Variants in APPBP2 observed in about 807,000 individuals in gnomAD.
APPBP2 encodes the protein amyloid beta precursor protein binding protein 2, also known as amyloid protein-binding protein 2.
In APPBP2, 15 loss-of-function variants were observed where a neutral mutation model predicts 76.0. The ratio of observed to expected loss-of-function variants is 0.20; its 90% CI spans 0.13 to 0.30. The LOEUF (loss-of-function observed/expected upper bound fraction) is 0.30. APPBP2 is among the 10% of genes least tolerant of loss of function. The pLI is 1.00. For synonymous variants in APPBP2, 222 were observed against 242.2 expected, an observed-to-expected ratio of 0.92 and a Z score of 0.77; for missense variants, 401 against 687.2, an observed-to-expected ratio of 0.58 and a Z score of 4.66.
intron 3 of APPBP2, among the ~76,000 whole-genome samples, chr17:60,493,106 C>T (rs1374323836): frequency 2.0e-5 from 3 of 152,174 alleles, no homozygotes; most frequent in Non-Finnish European, 4.4e-5. Context: ...GGCTCTCATT[C>T]TCGTCTGCCA....
rs530334686 is a variant in APPBP2 at position 60,452,178 on chromosome 17, C to G, written c.1339-133G>C. The stretch of plus-strand genomic sequence containing the variant: ...TAAGGTAATCAGATCAAAGAACATA[C>G]TATGTTATTCCAAAAATTGCCTATG... On this transcript the variant is annotated intron_variant, in intron 11 of 12. Coordinates refer to ENST00000083182, the MANE Select transcript of APPBP2 (RefSeq NM_006380.5). 20 of 909,032 alleles carry G rather than the reference C, an allele frequency of 2.2e-5. No individual in the cohort carries two copies. In the South Asian group the frequency reaches 3.1e-4, roughly 14 times the overall value. The allele number at this position is 909,032 out of a possible 1,614,324, so 56.3% of individuals were successfully genotyped here. A position where few individuals can be genotyped will look rare whatever the true frequency, so the allele number is the denominator to read the frequency against.
intron 1 of APPBP2, among the ~76,000 whole-genome samples, chr17:60,507,792 T>A (rs2090880461): frequency 6.6e-6 from 1 of 152,132 alleles, no homozygotes; most frequent in African/African-American, 2.4e-5. Context: ...TAAGCACCTT[T>A]CATTTTCATG....
intron 1 of APPBP2, among the ~76,000 whole-genome samples, chr17:60,513,022 G>T (rs2090929910): frequency 7.1e-6 from 1 of 140,940 alleles, no homozygotes; most frequent in African/African-American, 2.7e-5. Context: ...GTCGCATCTT[G>T]GCGTGAGACA....
intron 3 of APPBP2, 101 bp from the exon 4 acceptor site, chr17:60,479,372 A>C (rs75870810): frequency 2.5e-6 from 3 of 1,215,630 alleles, no homozygotes; most frequent in East Asian, 2.6e-5. Context: ...AAAATAAACC[A>C]TGATAGTAAA....
intron 3 of APPBP2, among the ~76,000 whole-genome samples, 157 bp downstream of exon 3, chr17:60,494,309 T>TAAAAG (rs2143432603): frequency 6.6e-6 from 1 of 152,360 alleles, no homozygotes; most frequent in South Asian, 2.1e-4. Flanking sequence ...TATTTAAATG[T>TAAAAG]ATAGTATAAT....
intron 4 of APPBP2, chr17:60,477,532 G>A (rs2090599422): frequency 6.6e-6 from 1 of 151,894 alleles, no homozygotes; most frequent in Non-Finnish European, 1.5e-5. Context: ...AGGCAGAAGA[G>A]GGGGAAAAAA....
intron 1 of APPBP2, among the ~76,000 whole-genome samples, chr17:60,523,026 C>G (rs1417456941): frequency 6.6e-6 from 1 of 151,984 alleles, no homozygotes. Context: ...GAAGCTATTA[C>G]AAAAATTAAC....
At chr17:60,517,465 T>C (rs1006856717) in intron 1 of APPBP2, among the ~76,000 whole-genome samples, 2 of 152,170 alleles carry the variant, frequency 1.3e-5, no homozygotes, top group African/African-American at 4.8e-5. Context: ...TTTAACCACT[T>C]TGAGATCCAA....
chr17:60,451,830 A>C (rs750448982), intron 12 of APPBP2, 50 bp downstream of exon 12: 5 of 1,472,826 alleles, frequency 3.4e-6, no homozygotes, highest in Admixed American at 2.0e-5. Context: ...AGACATGCTG[A>C]CATGTTGATT....
intron 1 of APPBP2, among the ~76,000 whole-genome samples, chr17:60,520,085 T>A (rs1294307659): frequency 6.6e-6 from 1 of 152,024 alleles, no homozygotes; most frequent in Non-Finnish European, 1.5e-5. Context: ...TGCCCGGCCA[T>A]CAGTGTATTT....
In APPBP2 at chr17:60,451,917, T is replaced by A; in HGVS notation, c.1467A>T (p.Glu489Asp). 6.2e-7 allele frequency: 1 copy of A among 1,612,228 alleles called. No homozygotes were observed. The highest frequency in any genetic ancestry group is 2.2e-5 in the East Asian group (1 of 44,806). Residue 489 changes from glutamate (E) to aspartate (D), a missense_variant, in exon 12 of 13, where the codon GAA (glutamate) becomes GAT (aspartate). By Grantham distance (45) the Glu-to-Asp change is conservative. Around this residue, in one of 5 missense-constraint regions of APPBP2, gnomAD observed 130 missense variants for 322.7 expected, o/e 0.40. Coordinates refer to ENST00000083182, the MANE Select transcript of APPBP2 (RefSeq NM_006380.5). ...ATCGCAAATAAAGTTTCTCAGCATT[T>A]TCATACTGATTCATGTCATAATTAT... The part of the protein sequence containing the change: ...SLYNYDMNQY[E>D]NAEKLYLRSI...
At chr17:60,492,249 G>C (rs1335782241) in intron 3 of APPBP2, among the ~76,000 whole-genome samples, 1 of 152,218 alleles carries the variant, frequency 6.6e-6, no homozygotes, top group Non-Finnish European at 1.5e-5. Context: ...GCAGAAGTTT[G>C]CTGCAGGGTG....
At chr17:60,491,610 A>C (rs372225092) in intron 3 of APPBP2, among the ~76,000 whole-genome samples, 122 of 151,984 alleles carry the variant, frequency 8.0e-4, no homozygotes, top group African/African-American at 2.4e-3. Flanking sequence ...AGGCCCGGCT[A>C]GTTTTTGTAT....
intron 3 of APPBP2, among the ~76,000 whole-genome samples, chr17:60,492,005 C>A (rs73328455): frequency 5.3e-4 from 80 of 152,250 alleles, no homozygotes; most frequent in African/African-American, 1.9e-3. Flanking sequence ...TGAGTTGAGC[C>A]CAGGGCCCCC....
At chr17:60,518,865 T>C (rs2090985855) in intron 1 of APPBP2, among the ~76,000 whole-genome samples, 1 of 152,180 alleles carries the variant, frequency 6.6e-6, no homozygotes, top group African/African-American at 2.4e-5. Context: ...TTTGGTTTCA[T>C]TCTTAGAAAT....
At chr17:60,453,899 G>T (rs2143294082) in intron 11 of APPBP2, among the ~76,000 whole-genome samples, 1 of 150,514 alleles carries the variant, frequency 6.6e-6, no homozygotes, top group Admixed American at 6.6e-5. Context: ...TAGAGATAGG[G>T]TCTCACTCTG....
At position 60,447,727 on chromosome 17, in the gene APPBP2, T is replaced by C. The variant is rs754623223; in HGVS notation, c.1612A>G (p.Asn538Asp). 2 of 1,614,040 alleles carry C rather than the reference T, an allele frequency of 1.2e-6. No individual in the cohort carries two copies. Among genetic ancestry groups the C allele is most frequent in the South Asian group, 1.1e-5 (1 of 91,086 alleles). ...AACCGGTTCCAGTTAGACAGAACAT[T>C]GTGATATTCAAACACTTTCTCGTAA... Reference protein sequence around the residue: ...GNYEKVFEYHNVLSNWNRLRD... With the variant: ...GNYEKVFEYHDVLSNWNRLRD... The change falls in exon 13 of 13, where the codon AAT becomes GAT. Residue 538 changes from asparagine to aspartate, a missense_variant. Transcript: ENST00000083182.
intron 4 of APPBP2, among the ~76,000 whole-genome samples, chr17:60,467,162 ATT>A (rs1248669691): frequency 1.3e-5 from 2 of 152,168 alleles, no homozygotes; most frequent in Non-Finnish European, 2.9e-5. Context: ...TTATTTATTT[ATT>A]TATTTATTAA....
intron 4 of APPBP2, among the ~76,000 whole-genome samples, chr17:60,475,566 T>G (rs1027383899): frequency 6.6e-6 from 1 of 152,014 alleles, no homozygotes; most frequent in Non-Finnish European, 1.5e-5. Flanking sequence ...TACTTTCTTC[T>G]AGCTTCTAAT....
Sources: gnomAD v4.1 joint callset for allele counts (sites outside exome capture counted in the v4.1 genomes callset) on GRCh38, gnomAD v4.1.1 for gene constraint, gnomAD v4.1.1 regional missense constraint, MANE v1.5 for transcripts, NCBI Gene and HGNC (gene_info 2026-07-23, HGNC 2026-07-21) for gene names.